The following MSLN variants were observed in gnomAD, a reference collection of about 807,000 sequenced individuals.
MSLN encodes CAK1 antigen.
Under a neutral mutation model 72.6 loss-of-function variants are expected in MSLN, and 82 were observed. The observed-to-expected ratio is 1.13, with a 90% CI of 0.94 to 1.36. The LOEUF (loss-of-function observed/expected upper bound fraction) is 1.36. MSLN is among the 40% of genes most tolerant of loss of function. The pLI, the probability that MSLN is intolerant of heterozygous loss-of-function variation, is 0.00. For missense variants in MSLN, 1,005 were observed against 847.9 expected, an observed-to-expected ratio of 1.19 and a Z score of -2.30; for synonymous variants, 456 against 387.3, an observed-to-expected ratio of 1.18 and a Z score of -2.08.
intron 7 of MSLN, 68 bp downstream of exon 7, chr16:764,794 C>T: frequency 6.3e-7 from 1 of 1,576,632 alleles, no homozygotes; most frequent in Non-Finnish European, 8.6e-7. Context: ...AACCCCCTGC[C>T]CCTTGCCTCG....
chr16:767,990 G>A (rs1474048088), intron 16 of MSLN, among the ~76,000 whole-genome samples: 1 of 45,710 alleles, frequency 2.2e-5, no homozygotes, highest in Non-Finnish European at 3.6e-5. Flanking sequence ...GCGTGGAGGG[G>A]GGCGCGTGGA....
Position 764,080 on chromosome 16 carries a change from G to A in MSLN, c.237G>A (p.Thr79=), listed in dbSNP as rs750787212. ...FPCAEVSGLS[T]ERVRELAVAL... is the part of the protein sequence containing the mutation. ...GTGCGGAGGTGTCCGGCCTGAGCAC[G>A]GAGCGTGTCCGGGAGCTGGCTGTGG... is the stretch of plus-strand genomic sequence containing the variant. The change falls in exon 6 of 18, where the codon ACG becomes ACA. Residue 79 remains threonine, a synonymous_variant. Coordinates refer to ENST00000545450, the MANE Select transcript of MSLN (RefSeq NM_005823.6). 1.9e-5 allele frequency: 31 copies of A among 1,606,444 alleles called. No individual in the cohort carries two copies. Among genetic ancestry groups the A allele is most frequent in the Admixed American group, 3.3e-5 (2 of 59,996 alleles).
chr16:761,756 C>T (rs2041539515), intron 2 of MSLN, among the ~76,000 whole-genome samples: 1 of 152,228 alleles, frequency 6.6e-6, no homozygotes, highest in South Asian at 2.1e-4. Context: ...CGACATTCCC[C>T]AGTGGCCGGG....
In MSLN at chr16:767,538, G is replaced by A. The variant is rs2041635049; in HGVS notation, c.1596+68G>A. On this transcript the variant is annotated intron_variant, in intron 16 of 17. Coordinates refer to ENST00000545450, the MANE Select transcript of MSLN (RefSeq NM_005823.6). ...GGAGGAGGGGCGAGTGGGAGGAGGG[G>A]CGCGTGGAGGGGGGGCGTGTGGGGG... The A allele has an allele frequency of 7.2e-6, 5 of 696,480 alleles. No individual in the cohort carries two copies. In the South Asian group the frequency reaches 1.2e-4, roughly 17 times the overall value. The allele number at this position is 696,480 out of a possible 1,614,324, so 43.1% of individuals were successfully genotyped here.
rs755262183 is a variant in MSLN at position 766,090 on chromosome 16, C to T, written c.927C>T (p.Arg309=). 3.3e-5 allele frequency: 54 copies of T among 1,612,062 alleles called. No individual in the cohort carries two copies. The highest frequency in any genetic ancestry group is 3.3e-4 in the Admixed American group (20 of 59,968). The stretch of plus-strand genomic sequence containing the variant: ...CCTGTCCTTCAGGCAAGAAGGCCCG[C>T]GAGATAGACGAGAGCCTCATCTTCT... The part of the protein sequence containing the change: ...KTACPSGKKA[R]EIDESLIFYK... Residue 309 remains arginine (R), a synonymous_variant, in exon 12 of 18, where the codon CGC becomes CGT. Transcript: ENST00000545450.
chr16:768,678 G>C lies in MSLN; in HGVS notation c.1814G>C (p.Gly605Ala). The C allele has an allele frequency of 6.2e-7, 1 of 1,610,978 alleles. No individual in the cohort carries two copies. Among genetic ancestry groups the C allele is most frequent in the South Asian group, 1.1e-5 (1 of 91,080 alleles). Residue 605 changes from glycine to alanine, a missense_variant, in exon 18 of 18, where the codon GGA becomes GCA. By Grantham distance (60) the Gly-to-Ala change is moderately conservative. Transcript: ENST00000545450. ...CTCTCGGGGACGCCCTGCCTCCTAG[G>C]ACCTGGACCTGTTCTCACCGTCCTG... Reference protein sequence around the residue: ...EALSGTPCLLGPGPVLTVLAL... With the variant: ...EALSGTPCLLAPGPVLTVLAL...
intron 6 of MSLN, 66 bp downstream of exon 6, chr16:764,209 C>T (rs2041573807): frequency 1.3e-6 from 2 of 1,553,780 alleles, no homozygotes; most frequent in African/African-American, 2.7e-5. Flanking sequence ...GGCAGCTCTG[C>T]AGTGCCCACC....
chr16:768,047 G>A (rs866458327), intron 16 of MSLN, among the ~76,000 whole-genome samples: 1 of 92,724 alleles, frequency 1.1e-5, no homozygotes, highest in Admixed American at 1.0e-4. Context: ...CGTGGAGGGG[G>A]CGCGTGGAGG....
chr16:768,278 A>C (rs2041667205), intron 16 of MSLN, 101 bp from the exon 17 acceptor site: 1 of 1,246,906 alleles, frequency 8.0e-7, no homozygotes, highest in Non-Finnish European at 1.1e-6. Flanking sequence ...TGCGGTGGGC[A>C]TCTGTGGGTG....
Position 765,053 on chromosome 16 carries a change from G to C in MSLN, c.510+17G>C, listed in dbSNP as rs1279260575. ...GCCTGCTGGGTAGGGGCTGGGGCCA[G>C]CGCGGGGCGGAGAGGGCTCGGCAGT... On this transcript the variant is annotated intron_variant, in intron 8 of 17. Coordinates refer to ENST00000545450, the MANE Select transcript of MSLN (RefSeq NM_005823.6). 6.2e-7 allele frequency: 1 copy of C among 1,609,836 alleles called. No homozygotes were observed. The highest frequency in any genetic ancestry group is 8.5e-7 in the Non-Finnish European group (1 of 1,178,616).
rs766889300 is a variant in MSLN at position 764,083 on chromosome 16, G to C, written c.240G>C (p.Glu80Asp). 6.2e-7 allele frequency: 1 copy of C among 1,606,508 alleles called. No homozygotes were observed. The highest frequency in any genetic ancestry group is 1.1e-5 in the South Asian group (1 of 91,076). The change falls in exon 6 of 18, where the codon GAG becomes GAC. Residue 80 changes from glutamate (E) to aspartate (D), a missense_variant. Transcript: ENST00000545450. ...PCAEVSGLST[E>D]RVRELAVALA... is the part of the protein sequence containing the mutation. Reference sequence around the variant, plus strand: ...CGGAGGTGTCCGGCCTGAGCACGGAGCGTGTCCGGGAGCTGGCTGTGGCCT... The same window carrying C: ...CGGAGGTGTCCGGCCTGAGCACGGACCGTGTCCGGGAGCTGGCTGTGGCCT...
Position 765,147 on chromosome 16 carries a change from G to T in MSLN, c.548G>T (p.Arg183Leu). 1 of 1,603,622 alleles carries T rather than the reference G, an allele frequency of 6.2e-7. No individual in the cohort carries two copies. Among genetic ancestry groups the T allele is most frequent in the Non-Finnish European group, 8.5e-7 (1 of 1,178,784 alleles). The change falls in exon 9 of 18, where the codon CGG becomes CTG. Residue 183 changes from arginine (R) to leucine (L), a missense_variant. Transcript: ENST00000545450. Reference sequence around the variant, plus strand: ...TCTCTGCTGAGCGAGGCTGATGTGCGGGCTCTGGGAGGCCTGGCTTGCGAC... The same window carrying T: ...TCTCTGCTGAGCGAGGCTGATGTGCTGGCTCTGGGAGGCCTGGCTTGCGAC... ...RGSLLSEADV[R>L]ALGGLACDLP...
intron 10 of MSLN, 37 bp downstream of exon 10, chr16:765,654 C>A: frequency 6.3e-7 from 1 of 1,598,014 alleles, no homozygotes; most frequent in Non-Finnish European, 8.5e-7. Context: ...GGATGCCCGG[C>A]CACCCGAGGC....
chr16:763,979 A>C (rs747408979), intron 5 of MSLN, 44 bp from the exon 6 acceptor site: 52 of 1,589,074 alleles, frequency 3.3e-5, no homozygotes, highest in Non-Finnish European at 4.3e-5. Flanking sequence ...TGGACATTGC[A>C]GGGGAGGGGC....
intron 4 of MSLN, 106 bp from the exon 5 acceptor site, chr16:763,536 G>A: frequency 8.7e-7 from 1 of 1,154,252 alleles, no homozygotes; most frequent in Non-Finnish European, 1.2e-6. Flanking sequence ...CCAGGCCTGG[G>A]AAGTAGCTGA....
At chr16:766,566 G>T (rs2041612876) in intron 13 of MSLN, 76 bp downstream of exon 13, 1 of 1,608,834 alleles carries the variant, frequency 6.2e-7, no homozygotes, top group Admixed American at 1.7e-5. Context: ...CAAAGCCTGA[G>T]GTTGGGCGGG....
At position 768,546 on chromosome 16, in the gene MSLN, C is replaced by T. The variant is rs757373540; in HGVS notation, c.1764C>T (p.Val588=). 5.0e-6 allele frequency: 8 copies of T among 1,606,692 alleles called. No individual in the cohort carries two copies. In the Admixed American group the frequency reaches 1.2e-4, roughly 24 times the overall value. The part of the protein sequence containing the change: ...LQGGIPNGYL[V]LDLSMQEALS... ...GCGGCATCCCCAACGGCTACCTGGTCCTAGACCTCAGCATGCAAGGTGGGC... is the reference window on the plus strand; with the variant it reads ...GCGGCATCCCCAACGGCTACCTGGTTCTAGACCTCAGCATGCAAGGTGGGC... The change falls in exon 17 of 18, where the codon GTC becomes GTT. Residue 588 remains valine, a synonymous_variant. Coordinates refer to ENST00000545450, the MANE Select transcript of MSLN (RefSeq NM_005823.6).
chr16:766,381 A>T lies in MSLN; in HGVS notation c.1121A>T (p.Tyr374Phe). Residue 374 changes from tyrosine to phenylalanine, a missense_variant, in exon 13 of 18, where the codon TAC becomes TTC. Tyr to Phe is a conservative substitution (Grantham distance 22, BLOSUM62 3). Transcript: ENST00000545450. The stretch of plus-strand genomic sequence containing the variant: ...GAGTCTGTGATCCAGCACCTGGGCT[A>T]CCTCTTCCTCAAGATGAGCCCTGAG... ...YPESVIQHLG[Y>F]LFLKMSPEDI... is the part of the protein sequence containing the mutation. 1 of 1,612,682 alleles carries T rather than the reference A, an allele frequency of 6.2e-7. No homozygotes were observed. The highest frequency in any genetic ancestry group is 8.5e-7 in the Non-Finnish European group (1 of 1,179,918).
intron 2 of MSLN, among the ~76,000 whole-genome samples, chr16:761,591 A>G (rs541429617): frequency 3.3e-5 from 5 of 151,988 alleles, no homozygotes; most frequent in African/African-American, 9.7e-5. Context: ...ACGCACCCCA[A>G]GGGCTGGGGG....
Sources: allele counts gnomAD v4.1 joint callset (sites outside exome capture counted in the v4.1 genomes callset), GRCh38; gene constraint gnomAD v4.1.1; transcripts MANE v1.5; gene names NCBI Gene and HGNC (gene_info 2026-07-23, HGNC 2026-07-21).